The following DOK3 variants were observed in gnomAD, a reference collection of about 807,000 sequenced individuals.
DOK3 encodes docking protein 3.
Under a neutral mutation model 26.2 loss-of-function variants are expected in DOK3, and 23 were observed. The ratio of observed to expected loss-of-function variants is 0.88; its 90% CI spans 0.63 to 1.24. The LOEUF is 1.24. Among genes scored for constraint, DOK3 ranks in the 50% most tolerant of loss-of-function variants. The pLI, the probability that DOK3 is intolerant of heterozygous loss-of-function variation, is 0.00. For synonymous variants in DOK3, 268 were observed against 268.2 expected, an observed-to-expected ratio of 1.00 and a Z score of 0.01; for missense variants, 619 against 610.6, an observed-to-expected ratio of 1.01 and a Z score of -0.15.
At chr5:177,508,635 C>A (rs1239024185) in intron 2 of DOK3, 93 bp from the exon 3 acceptor site, 84 of 1,362,892 alleles carry the variant, frequency 6.2e-5, no homozygotes, top group Non-Finnish European at 8.1e-5. Context: ...ACGCTCCCAG[C>A]CAGGAGCGGG....
chr5:177,503,752 C>T lies in DOK3; in HGVS notation c.*231G>A, dbSNP rs138391020. 2.1e-6 allele frequency: 3 copies of T among 1,417,294 alleles called. No homozygotes were observed. The highest frequency in any genetic ancestry group is 2.7e-6 in the Non-Finnish European group (3 of 1,091,064). The allele number at this position is 1,417,294 out of a possible 1,614,324, so 87.8% of individuals were successfully genotyped here. On this transcript the variant is annotated 3_prime_UTR_variant, in exon 6 of 6. Coordinates refer to ENST00000510898, the MANE Select transcript of DOK3 (RefSeq NM_001308236.3). ...CAATGAACGTGGGCAGGGGCGTGTG[C>T]CGTGAGTGCCCCTGCCGGGAGCTGC...
At position 177,504,032 on chromosome 5, in the gene DOK3, AG is replaced by A; in HGVS notation, c.1273del (p.Leu425CysfsTer2). The A allele has an allele frequency of 6.3e-7, 1 of 1,588,398 alleles. No homozygotes were observed. Among genetic ancestry groups the A allele is most frequent in the Non-Finnish European group, 8.6e-7 (1 of 1,167,346 alleles). ...GCCCTTCCTCCGCTCACGACTCAGC[AG>A]GGTCACCAGCTTGGCCTTGAAACCT... ...QAGFKAKLVT[L>X]LSRERRKGPA... On this transcript the variant is annotated frameshift_variant, in exon 6 of 6. Transcript: ENST00000510898. LOFTEE classifies it high-confidence loss of function.
intron 3 of DOK3, among the ~76,000 whole-genome samples, chr5:177,507,735 G>A (rs1249319113): frequency 1.3e-5 from 2 of 152,120 alleles, no homozygotes; most frequent in South Asian, 2.1e-4. Flanking sequence ...AAACATGTCC[G>A]GCTTAAACCC....
At chr5:177,506,559 G>T (rs1361319639) in intron 3 of DOK3, among the ~76,000 whole-genome samples, 2 of 151,228 alleles carry the variant, frequency 1.3e-5, no homozygotes, top group Non-Finnish European at 2.9e-5. Context: ...GGCTGGTCTC[G>T]AACTCCTGAC....
In DOK3 at chr5:177,503,557, C is replaced by T. The variant is rs1417659249; in HGVS notation, c.*426G>A. On this transcript the variant is annotated 3_prime_UTR_variant, in exon 6 of 6. Coordinates refer to ENST00000510898, the MANE Select transcript of DOK3 (RefSeq NM_001308236.3). The stretch of plus-strand genomic sequence containing the variant: ...CTTCCTGAGTCTGACAAGTAAGCCT[C>T]ACAGCTCCCTCCGCCTGCCTCTTCG... 4.4e-6 allele frequency: 6 copies of T among 1,368,492 alleles called. No individual in the cohort carries two copies. Among genetic ancestry groups the T allele is most frequent in the Admixed American group, 2.9e-5 (1 of 34,688 alleles). 84.8% of individuals were successfully genotyped at this position (1,368,492 alleles called of 1,614,324 possible).
rs528855898 is a variant in DOK3 at position 177,504,806 on chromosome 5, G to C, written c.582C>G (p.Ala194=). 2 of 1,613,880 alleles carry C rather than the reference G, an allele frequency of 1.2e-6. No homozygotes were observed. Among genetic ancestry groups the C allele is most frequent in the African/African-American group, 2.7e-5 (2 of 75,034 alleles). The change falls in exon 5 of 6, where the codon GCC becomes GCG. Residue 194 remains alanine (A), a synonymous_variant. Coordinates refer to ENST00000510898, the MANE Select transcript of DOK3 (RefSeq NM_001308236.3). Reference sequence around the variant, plus strand: ...AGCTGTAGAGGGCCTGGGTGCCCTTGGCCTCCCTCAGCTGGATGGCGTCTG... The same window carrying C: ...AGCTGTAGAGGGCCTGGGTGCCCTTCGCCTCCCTCAGCTGGATGGCGTCTG... The part of the protein sequence containing the change: ...LGPDAIQLRE[A]KGTQALYSWP...
Position 177,506,332 on chromosome 5 carries a change from C to CCTT in DOK3, c.373-1223_373-1222insAAG, listed in dbSNP as rs377754573. On this transcript the variant is annotated intron_variant, in intron 3 of 5. Transcript: ENST00000510898. ...AAAATTTACTGTTTTAACCATCTTA[C>CCTT]TTTTTTTTTTTTTTTTGAGACAAAG... 1.3e-4 allele frequency among the ~76,000 whole-genome samples: 18 copies of CCTT among 141,008 alleles called. 1 individual carries two copies. In the South Asian group the frequency reaches 3.7e-3, roughly 29 times the overall value. The allele number at this position is 141,008 out of a possible 152,430, so 92.5% of individuals were successfully genotyped here.
chr5:177,509,992 C>T (rs143733794), upstream of DOK3: 53 of 1,072,500 alleles, frequency 4.9e-5, no homozygotes, highest in African/African-American at 7.1e-4. Flanking sequence ...AGCGCCTCAC[C>T]CCATCTTGCT....
chr5:177,508,474 G>A lies in DOK3; in HGVS notation c.135C>T (p.Ser45=), dbSNP rs780588537. 6.3e-7 allele frequency: 1 copy of A among 1,590,458 alleles called. No individual in the cohort carries two copies. Among genetic ancestry groups the A allele is most frequent in the Non-Finnish European group, 8.6e-7 (1 of 1,169,506 alleles). Residue 45 remains serine, a synonymous_variant, in exon 3 of 6, where the codon AGC becomes AGT. Coordinates refer to ENST00000510898, the MANE Select transcript of DOK3 (RefSeq NM_001308236.3). ...CCAGGCCACCATCCCGGACCTCCCA[G>A]CTCTCCAGCCGTGCCACGCCTGATG... ...GGPSGVARLE[S]WEVRDGGLGA...
chr5:177,509,844 CCGAGT>C (rs1240230688), upstream of DOK3: 21 of 1,610,940 alleles, frequency 1.3e-5, no homozygotes, highest in African/African-American at 2.7e-5. Flanking sequence ...GTCTGGCTCC[CCGAGT>C]CATGAGTTCC....
rs754987743 is a variant in DOK3 at position 177,503,999 on chromosome 5, G to C, written c.1307C>G (p.Pro436Arg). The C allele has an allele frequency of 1.5e-4, 239 of 1,554,622 alleles. No individual in the cohort carries two copies. Among genetic ancestry groups the C allele is most frequent in the Middle Eastern group, 1.2e-3 (6 of 5,054 alleles). Reference protein sequence around the residue: ...LSRERRKGPAPCDRP With the variant: ...LSRERRKGPARCDRP ...GCTGGGCGTTCAGGGCCGGTCACAA[G>C]GGGCTGGGCCCTTCCTCCGCTCACG... The change falls in exon 6 of 6, where the codon CCT (proline) becomes CGT (arginine). Residue 436 changes from proline to arginine, a missense_variant. Transcript: ENST00000510898.
At position 177,503,449 on chromosome 5, in the gene DOK3, A is replaced by G. The variant is rs1229844710; in HGVS notation, c.*534T>C. 28 of 1,487,928 alleles carry G rather than the reference A, an allele frequency of 1.9e-5. No individual in the cohort carries two copies. The highest frequency in any genetic ancestry group is 2.4e-5 in the Non-Finnish European group (27 of 1,111,120). 92.2% of individuals were successfully genotyped at this position (1,487,928 alleles called of 1,614,324 possible). A position where few individuals can be genotyped will look rare whatever the true frequency, so the allele number is the denominator to read the frequency against. On this transcript the variant is annotated 3_prime_UTR_variant, in exon 6 of 6. Transcript: ENST00000510898. ...AGTGTTTTGGACGAGGGTGTCTCTG[A>G]AATCCCTTCCACCTGCACCCCGCCC...
At chr5:177,510,912 C>T (rs1760876802), upstream of DOK3, 1 of 152,306 alleles carries the variant, frequency 6.6e-6, no homozygotes, top group African/African-American at 2.4e-5. Context: ...TGTGCCGTCC[C>T]TGCCTACCTC....
At chr5:177,505,955 A>G (rs373252913) in intron 3 of DOK3, among the ~76,000 whole-genome samples, 14 of 150,326 alleles carry the variant, frequency 9.3e-5, no homozygotes, top group African/African-American at 3.0e-4. Flanking sequence ...AGCCAGGATG[A>G]TCTCGATCTC....
At position 177,502,857 on chromosome 5, in the gene DOK3, T is replaced by C. The variant is rs1161871568; in HGVS notation, c.*1126A>G. On this transcript the variant is annotated 3_prime_UTR_variant, in exon 6 of 6. Coordinates refer to ENST00000510898, the MANE Select transcript of DOK3 (RefSeq NM_001308236.3). ...GAGAGAGAACAGGGGGAAGGGACTA[T>C]GGAGAACAAAGAGGGGATGGTGGGC... 6.7e-6 allele frequency: 4 copies of C among 595,166 alleles called. No individual in the cohort carries two copies. In the East Asian group the frequency reaches 8.4e-5, roughly 12 times the overall value. The allele number at this position is 595,166 out of a possible 1,614,324, so 36.9% of individuals were successfully genotyped here.
rs1410992065 is a variant in DOK3, at chr5:177,504,013, C to T, written c.1293G>A (p.Arg431=). ...GCCGGTCACAAGGGGCTGGGCCCTTCCTCCGCTCACGACTCAGCAGGGTCA... is the reference window on the plus strand; with the variant it reads ...GCCGGTCACAAGGGGCTGGGCCCTTTCTCCGCTCACGACTCAGCAGGGTCA... The part of the protein sequence containing the change: ...KLVTLLSRER[R]KGPAPCDRP The change falls in exon 6 of 6, where the codon AGG becomes AGA. Residue 431 remains arginine, a synonymous_variant. Transcript: ENST00000510898. 2 of 1,565,252 alleles carry T rather than the reference C, an allele frequency of 1.3e-6. No individual in the cohort carries two copies. Among genetic ancestry groups the T allele is most frequent in the East Asian group, 2.4e-5 (1 of 41,998 alleles).
intron 3 of DOK3, among the ~76,000 whole-genome samples, chr5:177,505,767 A>G (rs570160694): frequency 1.0e-4 from 15 of 150,690 alleles, no homozygotes; most frequent in African/African-American, 2.7e-4. Flanking sequence ...ATGGAGTCTC[A>G]CTCTTGTCGC....
upstream of DOK3, chr5:177,510,169 G>A (rs934524510): frequency 7.1e-5 from 36 of 506,066 alleles, no homozygotes; most frequent in Admixed American, 5.1e-4. Context: ...CCCTTCCTGG[G>A]GTGCAGCCCA....
rs1033447368 is a variant in DOK3, at chr5:177,503,373, C to G, written c.*610G>C. On this transcript the variant is annotated 3_prime_UTR_variant, in exon 6 of 6. Transcript: ENST00000510898. ...TCCTTTACAGATGAGGAGACTGACGCCTGGGGTTCCCAGAAGTATCTGCAA... is the reference window on the plus strand; with the variant it reads ...TCCTTTACAGATGAGGAGACTGACGGCTGGGGTTCCCAGAAGTATCTGCAA... The G allele has an allele frequency of 1.3e-6, 2 of 1,539,884 alleles. No homozygotes were observed. Among genetic ancestry groups the G allele is most frequent in the Admixed American group, 2.0e-5 (1 of 50,650 alleles).
Sources: allele counts gnomAD v4.1 joint callset (sites outside exome capture counted in the v4.1 genomes callset), GRCh38; gene constraint gnomAD v4.1.1; transcripts MANE v1.5; gene names NCBI Gene and HGNC (gene_info 2026-07-23, HGNC 2026-07-21).